The following SGCZ variants were observed in gnomAD, a reference collection of about 807,000 sequenced individuals.
SGCZ encodes sarcoglycan zeta.
Under a neutral mutation model 41.3 loss-of-function variants are expected in SGCZ, and 40 were observed. That is an observed-to-expected ratio of 0.97 (90% CI 0.75 to 1.26). SGCZ has a LOEUF of 1.26. Ranked by LOEUF, SGCZ falls within the 50% of genes most tolerant of loss-of-function variation. The pLI is 0.00. For missense variants in SGCZ, 552 were observed against 369.8 expected, an observed-to-expected ratio of 1.49 and a Z score of -4.04; for synonymous variants, 206 against 137.5, an observed-to-expected ratio of 1.50 and a Z score of -3.49.
At chr8:14,373,715 T>C (rs1803998153) in intron 2 of SGCZ, among the ~76,000 whole-genome samples, 1 of 152,236 alleles carries the variant, frequency 6.6e-6, no homozygotes, top group South Asian at 2.1e-4. Context: ...GGGCAAAAGA[T>C]AGAACAAAAG....
At chr8:15,090,665 C>A (rs1257203242) in intron 1 of SGCZ, among the ~76,000 whole-genome samples, 1 of 152,144 alleles carries the variant, frequency 6.6e-6, no homozygotes, top group Non-Finnish European at 1.5e-5. Context: ...AGGTCTCCAG[C>A]AGGTGGGAAG....
chr8:14,829,461 C>G (rs1176265047), intron 1 of SGCZ, among the ~76,000 whole-genome samples: 2 of 152,058 alleles, frequency 1.3e-5, no homozygotes, highest in Non-Finnish European at 2.9e-5. Flanking sequence ...TTTCCATGAA[C>G]TTCTTGAAGT....
intron 5 of SGCZ, among the ~76,000 whole-genome samples, chr8:14,149,183 T>C (rs1481000532): frequency 6.6e-6 from 1 of 152,104 alleles, no homozygotes; most frequent in East Asian, 1.9e-4. Flanking sequence ...AAGTACTAGC[T>C]AGAGCCATCA....
intron 3 of SGCZ, among the ~76,000 whole-genome samples, chr8:14,259,301 G>T (rs1489510877): frequency 1.3e-5 from 2 of 152,064 alleles, no homozygotes; most frequent in Non-Finnish European, 2.9e-5. Flanking sequence ...CTATGCAGAA[G>T]CTCTTTAGTT....
At chr8:15,179,943 A>T (rs943201172) in intron 1 of SGCZ, among the ~76,000 whole-genome samples, 6 of 152,186 alleles carry the variant, frequency 3.9e-5, no homozygotes, top group African/African-American at 1.4e-4. Context: ...CCAGTCATCA[A>T]ATGTGCCAAC....
intron 1 of SGCZ, among the ~76,000 whole-genome samples, chr8:14,913,458 C>T (rs1244145259): frequency 6.6e-6 from 1 of 151,892 alleles, no homozygotes; most frequent in African/African-American, 2.4e-5. Flanking sequence ...GATGTTTGTA[C>T]CAAATATAGC....
chr8:15,085,333 G>A (rs1043693184), intron 1 of SGCZ, among the ~76,000 whole-genome samples: 6 of 152,150 alleles, frequency 3.9e-5, no homozygotes, highest in African/African-American at 1.4e-4. Flanking sequence ...TTGACTTACA[G>A]AAAGGGGCAA....
At chr8:14,444,924 G>T (rs1243700211) in intron 2 of SGCZ, among the ~76,000 whole-genome samples, 2 of 152,054 alleles carry the variant, frequency 1.3e-5, no homozygotes, top group African/African-American at 4.8e-5. Context: ...AAACAAACCT[G>T]CTCTGAAAAA....
chr8:14,924,694 A>G (rs4831317), intron 1 of SGCZ, among the ~76,000 whole-genome samples: 6,618 of 152,178 alleles, frequency 0.043, 454 homozygotes, highest in African/African-American at 0.15. Context: ...GAAAGATAGT[A>G]ATTAGATAAA....
intron 1 of SGCZ, among the ~76,000 whole-genome samples, chr8:14,654,699 G>C (rs963668225): frequency 2.6e-5 from 4 of 151,342 alleles, no homozygotes; most frequent in Admixed American, 2.0e-4. Flanking sequence ...AGCCTCCCAA[G>C]TAGCTGGGAT....
At chr8:14,505,892 C>G (rs1235860906) in intron 2 of SGCZ, among the ~76,000 whole-genome samples, 2 of 152,140 alleles carry the variant, frequency 1.3e-5, no homozygotes, top group African/African-American at 2.4e-5. Flanking sequence ...TTTTAGCAAG[C>G]TCTTCAGGTG....
intron 1 of SGCZ, among the ~76,000 whole-genome samples, chr8:14,719,037 T>G (rs1233817016): frequency 8.3e-6 from 1 of 120,440 alleles, no homozygotes; most frequent in Non-Finnish European, 1.6e-5. Flanking sequence ...CAGAGTGTGA[T>G]GTTCCCCTTT....
intron 2 of SGCZ, among the ~76,000 whole-genome samples, chr8:14,358,812 T>A (rs1803395604): frequency 6.6e-6 from 1 of 152,064 alleles, no homozygotes; most frequent in Admixed American, 6.6e-5. Flanking sequence ...GGTTTCACCA[T>A]CTTGGCCAGG....
At chr8:14,838,864 A>G (rs1213921938) in intron 1 of SGCZ, among the ~76,000 whole-genome samples, 1 of 152,158 alleles carries the variant, frequency 6.6e-6, no homozygotes, top group Non-Finnish European at 1.5e-5. Flanking sequence ...ACATCAATTA[A>G]GAGAGTCAGC....
At chr8:14,422,895 A>G (rs1242637894) in intron 2 of SGCZ, among the ~76,000 whole-genome samples, 2 of 152,056 alleles carry the variant, frequency 1.3e-5, no homozygotes, top group African/African-American at 4.8e-5. Context: ...AGGCATGGTG[A>G]TGCACACATT....
chr8:14,991,852 C>T (rs971253549), intron 1 of SGCZ, among the ~76,000 whole-genome samples: 2 of 145,862 alleles, frequency 1.4e-5, no homozygotes, highest in East Asian at 2.1e-4. Context: ...ACAAATCTAC[C>T]CCCAAAACTA....
intron 2 of SGCZ, among the ~76,000 whole-genome samples, chr8:14,325,784 A>G (rs1348154859): frequency 8.2e-6 from 1 of 121,614 alleles, no homozygotes; most frequent in Non-Finnish European, 1.7e-5. Flanking sequence ...ATATATATAT[A>G]TATATATATC....
intron 5 of SGCZ, among the ~76,000 whole-genome samples, chr8:14,129,941 C>A (rs1802987532): frequency 6.6e-6 from 1 of 152,070 alleles, no homozygotes; most frequent in Non-Finnish European, 1.5e-5. Context: ...TCAATGCAAT[C>A]CTTATCAAAA....
intron 2 of SGCZ, among the ~76,000 whole-genome samples, chr8:14,373,082 T>G (rs1803969646): frequency 1.3e-5 from 2 of 152,068 alleles, no homozygotes; most frequent in Admixed American, 1.3e-4. Context: ...TTTGCAATAA[T>G]CTAGAGGAAA....
Sources: gnomAD v4.1 joint callset for allele counts (sites outside exome capture counted in the v4.1 genomes callset) on GRCh38, gnomAD v4.1.1 for gene constraint, MANE v1.5 for transcripts, NCBI Gene and HGNC (gene_info 2026-07-23, HGNC 2026-07-21) for gene names.